The following PDE1C variants were observed in gnomAD, a reference collection of about 807,000 sequenced individuals.
PDE1C encodes the protein dual specificity calcium/calmodulin-dependent 3',5'-cyclic nucleotide phosphodiesterase 1C.
PDE1C carries 62 observed loss-of-function variants against 93.1 expected under a neutral mutation model. The observed-to-expected ratio is 0.67, with a 90% CI of 0.54 to 0.82. The LOEUF (loss-of-function observed/expected upper bound fraction) is 0.82. Ranked by LOEUF, PDE1C falls within the 40% of genes least tolerant of loss-of-function variation. The pLI, the probability that PDE1C is intolerant of heterozygous loss-of-function variation, is 0.00. For synonymous variants in PDE1C, 325 were observed against 310.1 expected (o/e 1.05, Z -0.50); for missense variants, 742 against 884.6 (o/e 0.84, Z 2.04).
the PDE1C span, among the ~76,000 whole-genome samples, chr7:31,734,970 A>G: frequency 6.6e-6 from 1 of 152,184 alleles, no homozygotes; most frequent in African/African-American, 2.4e-5. Flanking sequence ...TACTCTAAGT[A>G]TGGTCCCCCA....
rs1803669393 is a variant in PDE1C at position 32,184,148 on chromosome 7, A to G, written c.137-14192T>C. 5.9e-5 allele frequency among the ~76,000 whole-genome samples: 9 copies of G among 152,306 alleles called. No homozygotes were observed. In the South Asian group the frequency reaches 1.9e-3, roughly 32 times the overall value. On this transcript the variant is annotated intron_variant, in intron 2 of 18. Transcript: ENST00000396193. ...GCGATCATTAAAAAGTCAGGAAACA[A>G]CTGGTGCTGGAGAGGATGTGGAGAA...
intron 3 of PDE1C, among the ~76,000 whole-genome samples, chr7:32,167,438 A>G (rs1802368714): frequency 6.6e-6 from 1 of 152,204 alleles, no homozygotes; most frequent in Non-Finnish European, 1.5e-5. Context: ...AACAGAAGCC[A>G]CAGAGAGGAG....
intron 2 of PDE1C, among the ~76,000 whole-genome samples, chr7:31,912,066 C>T (rs545234281): frequency 1.5e-3 from 234 of 151,908 alleles, no homozygotes; most frequent in Non-Finnish European, 2.7e-3. Flanking sequence ...TCCATTGGTT[C>T]GAGGGCAAAA....
Position 32,200,994 on chromosome 7 carries a change from T to A in PDE1C, c.136+8495A>T, listed in dbSNP as rs116719374. Among the ~76,000 whole-genome samples the A allele has an allele frequency of 1.7e-3, 260 of 152,364 alleles. 1 individual carries two copies. The highest frequency in any genetic ancestry group is 5.7e-3 in the African/African-American group (237 of 41,588). On this transcript the variant is annotated intron_variant, in intron 2 of 18. Coordinates refer to the PDE1C transcript ENST00000396193. The stretch of plus-strand genomic sequence containing the variant: ...CCAAAGGTCTTATCTCCTCTCCCCA[T>A]GTAGATGTTAAAACATGTGTTACTA...
At chr7:32,066,728 AAAAAAGTAATTCAGAGGGACAC>A (rs960213550) in intron 1 of PDE1C, among the ~76,000 whole-genome samples, 1 of 129,442 alleles carries the variant, frequency 7.7e-6, no homozygotes, top group African/African-American at 3.0e-5. Context: ...ATTCTGTAAC[AAAAAAGTAATTCAGAGGGACAC>A]AAAAAAGTAA....
At chr7:31,911,111 G>T (rs1394910887) in intron 2 of PDE1C, among the ~76,000 whole-genome samples, 5 of 151,980 alleles carry the variant, frequency 3.3e-5, no homozygotes, top group Non-Finnish European at 1.5e-5. Flanking sequence ...TCCAGTGATG[G>T]TAAAATTATT....
chr7:31,697,023 CA>C, the PDE1C span: 1 of 1,614,052 alleles, frequency 6.2e-7, no homozygotes, highest in Non-Finnish European at 8.5e-7. Flanking sequence ...ATCCAAAGGG[CA>C]AAATGATCCC....
intron 1 of PDE1C, among the ~76,000 whole-genome samples, chr7:32,211,142 G>A (rs1805997585): frequency 6.6e-6 from 1 of 152,158 alleles, no homozygotes; most frequent in African/African-American, 2.4e-5. Flanking sequence ...CTGGGAGGTG[G>A]AAGTTGCAGT....
At chr7:31,658,535 T>C in the PDE1C span, 1 of 536,430 alleles carries the variant, frequency 1.9e-6, no homozygotes, top group East Asian at 3.3e-5. Context: ...TGTGGAATGG[T>C]GGGTTGCATA....
At chr7:32,312,375 T>C (rs1783066952) in intron 1 of PDE1C, among the ~76,000 whole-genome samples, 1 of 151,856 alleles carries the variant, frequency 6.6e-6, no homozygotes, top group Non-Finnish European at 1.5e-5. Flanking sequence ...AAGCTACCAA[T>C]GACTTTCTTC....
intron 2 of PDE1C, among the ~76,000 whole-genome samples, chr7:31,994,753 G>C (rs912977052): frequency 1.3e-5 from 2 of 152,196 alleles, no homozygotes; most frequent in African/African-American, 2.4e-5. Flanking sequence ...AGTGAATCCA[G>C]CCCAAGTTTC....
At chr7:31,619,356 G>C in the PDE1C span, among the ~76,000 whole-genome samples, 1 of 152,162 alleles carries the variant, frequency 6.6e-6, no homozygotes, top group African/African-American at 2.4e-5. Context: ...GACAAATCCA[G>C]ACTCCAAACT....
At chr7:32,180,024 A>C (rs748857888) in intron 2 of PDE1C, among the ~76,000 whole-genome samples, 43 of 152,168 alleles carry the variant, frequency 2.8e-4, no homozygotes, top group Admixed American at 1.8e-3. Context: ...GTGGGTAGGA[A>C]ATTTGGGGCT....
At chr7:32,275,081 T>C (rs542438611) in intron 1 of PDE1C, among the ~76,000 whole-genome samples, 2 of 152,314 alleles carry the variant, frequency 1.3e-5, no homozygotes, top group South Asian at 4.1e-4. Context: ...GAGAGATTAT[T>C]GCTTGAAGTC....
chr7:31,634,483 C>T, the PDE1C span, among the ~76,000 whole-genome samples: 1 of 152,046 alleles, frequency 6.6e-6, no homozygotes, highest in East Asian at 1.9e-4. Context: ...TATGAGGGGA[C>T]AGACTCAGAG....
chr7:31,664,094 C>T, the PDE1C span, among the ~76,000 whole-genome samples: 2 of 152,140 alleles, frequency 1.3e-5, no homozygotes, highest in African/African-American at 4.8e-5. Flanking sequence ...CAGGTATGAT[C>T]CCAGGTTTGT....
chr7:31,762,207 G>A (rs879495746), intron 17 of PDE1C, among the ~76,000 whole-genome samples: 2 of 152,204 alleles, frequency 1.3e-5, no homozygotes, highest in Admixed American at 6.5e-5. Flanking sequence ...ATACAATTTA[G>A]CAACTTTAAC....
the PDE1C span, among the ~76,000 whole-genome samples, chr7:31,669,044 C>T: frequency 1.5e-4 from 23 of 151,886 alleles, no homozygotes; most frequent in Non-Finnish European, 2.2e-4. Context: ...AAGGCATGGC[C>T]GGGAGTTTGG....
At chr7:31,759,792 T>C (rs934236077) in intron 17 of PDE1C, among the ~76,000 whole-genome samples, 3 of 152,208 alleles carry the variant, frequency 2.0e-5, no homozygotes, top group Non-Finnish European at 4.4e-5. Context: ...TTCATAAATA[T>C]AACAATTTCT....
Sources: allele counts gnomAD v4.1 joint callset (sites outside exome capture counted in the v4.1 genomes callset), GRCh38; gene constraint gnomAD v4.1.1; transcripts MANE v1.5; gene names NCBI Gene and HGNC (gene_info 2026-07-23, HGNC 2026-07-21).